The following KCNIP4 variants were observed in gnomAD, a reference collection of about 807,000 sequenced individuals.
KCNIP4 encodes Kv channel-interacting protein 4.
Under a neutral mutation model 34.0 loss-of-function variants are expected in KCNIP4, and 12 were observed. The ratio of observed to expected loss-of-function variants is 0.35; its 90% CI spans 0.23 to 0.57. The LOEUF is 0.57. Ranked by LOEUF, KCNIP4 falls within the 20% of genes least tolerant of loss-of-function variation. KCNIP4 has a pLI of 0.83. For missense variants in KCNIP4, 238 were observed against 311.7 expected, an observed-to-expected ratio of 0.76 and a Z score of 1.78; for synonymous variants, 124 against 102.2, an observed-to-expected ratio of 1.21 and a Z score of -1.29.
chr4:21,869,593 T>C (rs867902881), intron 1 of KCNIP4, among the ~76,000 whole-genome samples: 2 of 152,124 alleles, frequency 1.3e-5, no homozygotes, highest in African/African-American at 4.8e-5. Flanking sequence ...AAATTCCCTG[T>C]TCCTGTATTA....
intron 1 of KCNIP4, among the ~76,000 whole-genome samples, chr4:21,579,257 G>A (rs1024158286): frequency 3.3e-5 from 5 of 152,032 alleles, no homozygotes; most frequent in Non-Finnish European, 7.4e-5. Flanking sequence ...CACACTTAAA[G>A]CCACAGTACT....
At chr4:21,519,811 G>GTGTGTGTGTATACACGTGTGTGTA (rs1735359426) in intron 1 of KCNIP4, among the ~76,000 whole-genome samples, 2 of 130,166 alleles carry the variant, frequency 1.5e-5, no homozygotes, top group Admixed American at 1.5e-4. Flanking sequence ...GTGTGTGTAT[G>GTGTGTGTGTATACACGTGTGTGTA]TGTGTGTATA....
intron 1 of KCNIP4, among the ~76,000 whole-genome samples, chr4:20,934,938 C>T (rs2149607672): frequency 6.6e-6 from 1 of 152,226 alleles, no homozygotes; most frequent in African/African-American, 2.4e-5. Context: ...TATTCTTTGC[C>T]TCTTCATCTT....
At chr4:21,880,826 C>A (rs1468946656) in intron 1 of KCNIP4, among the ~76,000 whole-genome samples, 2 of 152,132 alleles carry the variant, frequency 1.3e-5, no homozygotes, top group Non-Finnish European at 2.9e-5. Flanking sequence ...TGGTACGCTT[C>A]CAGGAATGCT....
chr4:20,787,645 C>G (rs760611563), intron 3 of KCNIP4, among the ~76,000 whole-genome samples: 8 of 152,044 alleles, frequency 5.3e-5, no homozygotes, highest in Non-Finnish European at 1.2e-4. Context: ...AATTCTAATT[C>G]TTATTCAATC....
intron 1 of KCNIP4, among the ~76,000 whole-genome samples, chr4:21,176,696 T>C (rs989028737): frequency 2.6e-5 from 4 of 152,158 alleles, no homozygotes; most frequent in Admixed American, 1.3e-4. Context: ...TAATTTTTCC[T>C]ATTTAGTGGA....
intron 1 of KCNIP4, among the ~76,000 whole-genome samples, chr4:21,278,439 G>C: frequency 6.6e-6 from 1 of 152,050 alleles, no homozygotes; most frequent in Non-Finnish European, 1.5e-5. Flanking sequence ...ATTTATAAGT[G>C]AGAACATGTG....
chr4:20,939,021 C>T (rs916046572), intron 1 of KCNIP4, among the ~76,000 whole-genome samples: 4 of 152,174 alleles, frequency 2.6e-5, no homozygotes, highest in African/African-American at 7.2e-5. Context: ...TCTATGATCA[C>T]CTAATTTTCA....
intron 3 of KCNIP4, among the ~76,000 whole-genome samples, chr4:20,844,140 T>C (rs1484860406): frequency 6.6e-6 from 1 of 152,194 alleles, no homozygotes; most frequent in East Asian, 1.9e-4. Context: ...ATCTAAGCCA[T>C]TGTTCAAGCT....
intron 1 of KCNIP4, among the ~76,000 whole-genome samples, chr4:21,522,448 C>T (rs1577518761): frequency 6.6e-6 from 1 of 151,980 alleles, no homozygotes; most frequent in East Asian, 1.9e-4. Context: ...CTCACTGCAG[C>T]CTCTAACTCC....
chr4:21,604,532 C>T (rs16871580), intron 1 of KCNIP4, among the ~76,000 whole-genome samples: 4,027 of 152,096 alleles, frequency 0.026, 176 homozygotes, highest in African/African-American at 0.09. Flanking sequence ...TTTTGCTCCT[C>T]AAATGGCAAG....
chr4:21,180,547 C>T (rs537646329), intron 1 of KCNIP4, among the ~76,000 whole-genome samples: 1 of 151,868 alleles, frequency 6.6e-6, no homozygotes, highest in African/African-American at 2.4e-5. Flanking sequence ...GTGGAATTTA[C>T]AGCTTCAGTT....
At chr4:21,384,284 T>A (rs1721812047) in intron 1 of KCNIP4, among the ~76,000 whole-genome samples, 1 of 152,170 alleles carries the variant, frequency 6.6e-6, no homozygotes, top group Admixed American at 6.6e-5. Context: ...TCTCCTATCA[T>A]CTCTCTTTCT....
intron 1 of KCNIP4, among the ~76,000 whole-genome samples, chr4:21,096,185 T>A (rs1394672697): frequency 6.6e-6 from 1 of 152,126 alleles, no homozygotes; most frequent in East Asian, 1.9e-4. Context: ...GGTCATGAGT[T>A]GATATTATTG....
At chr4:20,989,253 G>T (rs1438543553) in intron 1 of KCNIP4, among the ~76,000 whole-genome samples, 2 of 152,130 alleles carry the variant, frequency 1.3e-5, no homozygotes, top group African/African-American at 2.4e-5. Context: ...AAGGAACAGA[G>T]AAAGTTTTTT....
At chr4:21,471,872 T>A (rs1250648213) in intron 1 of KCNIP4, among the ~76,000 whole-genome samples, 1 of 151,664 alleles carries the variant, frequency 6.6e-6, no homozygotes, top group Non-Finnish European at 1.5e-5. Context: ...ATGTCCCTAA[T>A]AATATCTGGT....
chr4:21,893,142 A>T (rs1457632791), intron 1 of KCNIP4, among the ~76,000 whole-genome samples: 2 of 152,138 alleles, frequency 1.3e-5, no homozygotes, highest in Non-Finnish European at 2.9e-5. Flanking sequence ...TTTCATATTA[A>T]ACCAGGCACC....
intron 1 of KCNIP4, among the ~76,000 whole-genome samples, chr4:21,189,145 G>A (rs1371003568): frequency 6.6e-6 from 1 of 152,178 alleles, no homozygotes; most frequent in Non-Finnish European, 1.5e-5. Context: ...TATACCTGAT[G>A]CATTCCAAGT....
intron 2 of KCNIP4, among the ~76,000 whole-genome samples, chr4:20,861,925 A>G (rs1241601086): frequency 6.6e-6 from 1 of 151,548 alleles, no homozygotes; most frequent in Non-Finnish European, 1.5e-5. Context: ...ATCAGCATTA[A>G]CCATATTATT....
Sources: gnomAD v4.1 joint callset for allele counts (sites outside exome capture counted in the v4.1 genomes callset) on GRCh38, gnomAD v4.1.1 for gene constraint, MANE v1.5 for transcripts, NCBI Gene and HGNC (gene_info 2026-07-23, HGNC 2026-07-21) for gene names.